Variants in SVIL observed in about 807,000 individuals in gnomAD.
SVIL encodes supervillin.
A neutral mutation model predicts 240.4 loss-of-function variants in SVIL; 101 were observed. That is an observed-to-expected ratio of 0.42 (90% confidence interval 0.36 to 0.50). The LOEUF (loss-of-function observed/expected upper bound fraction) is 0.50, where lower values mean the gene tolerates loss of function less well. Among genes scored for constraint, SVIL ranks in the 20% least tolerant of loss-of-function variants. The pLI, the probability that SVIL is intolerant of heterozygous loss-of-function variation, is 0.01. For missense variants in SVIL, 2,512 were observed against 2,818.7 expected (o/e 0.89, Z 2.46); for synonymous variants, 999 against 1,100.0 (o/e 0.91, Z 1.82).
upstream of SVIL, among the ~76,000 whole-genome samples, chr10:29,736,132 C>A (rs1165374129): frequency 6.6e-6 from 1 of 152,152 alleles, no homozygotes; most frequent in Non-Finnish European, 1.5e-5. Flanking sequence ...TGGGACGACT[C>A]TCGGGGGAAG....
chr10:29,700,987 C>A (rs902825890), intron 1 of SVIL, among the ~76,000 whole-genome samples: 1 of 152,314 alleles, frequency 6.6e-6, no homozygotes, highest in East Asian at 1.9e-4. Flanking sequence ...TTCCTCTCCA[C>A]GCTCCAGCCC....
intron 1 of SVIL, among the ~76,000 whole-genome samples, chr10:29,728,054 A>T (rs1964396485): frequency 6.6e-6 from 1 of 152,198 alleles, no homozygotes; most frequent in African/African-American, 2.4e-5. Flanking sequence ...TGGACAGAGG[A>T]TCATAAGTAG....
At chr10:29,672,936 C>T (rs2133062020) in intron 2 of SVIL, among the ~76,000 whole-genome samples, 1 of 152,224 alleles carries the variant, frequency 6.6e-6, no homozygotes, top group East Asian at 1.9e-4. Context: ...TGTTTTGAGA[C>T]AGAGTCTCAC....
At chr10:29,586,905 G>A (rs1255765585) in intron 1 of SVIL, among the ~76,000 whole-genome samples, 1 of 152,150 alleles carries the variant, frequency 6.6e-6, no homozygotes. Context: ...GTGGAGGGTG[G>A]GAGGAGGGAG....
intron 17 of SVIL, chr10:29,508,555 G>A (rs1949548158): frequency 1.7e-5 from 7 of 417,640 alleles, no homozygotes; most frequent in East Asian, 7.2e-5. Context: ...TTCCGTGACC[G>A]CAGAATGATC....
At chr10:29,564,395 C>T (rs1954786527) in intron 2 of SVIL, among the ~76,000 whole-genome samples, 1 of 152,174 alleles carries the variant, frequency 6.6e-6, no homozygotes, top group Non-Finnish European at 1.5e-5. Flanking sequence ...TCGGAGCGGG[C>T]AGGGCAGAGG....
chr10:29,685,843 C>T (rs1415093137), intron 2 of SVIL, among the ~76,000 whole-genome samples: 2 of 152,104 alleles, frequency 1.3e-5, no homozygotes, highest in Non-Finnish European at 2.9e-5. Context: ...TGTTGGGTCC[C>T]TTGGCTGAGA....
intron 2 of SVIL, among the ~76,000 whole-genome samples, chr10:29,677,021 A>G (rs937171622): frequency 3.3e-5 from 5 of 152,224 alleles, no homozygotes; most frequent in South Asian, 2.1e-4. Context: ...CTACATGTTT[A>G]ATCATTGCTA....
At chr10:29,568,801 G>A (rs532670965) in intron 2 of SVIL, among the ~76,000 whole-genome samples, 27 of 151,514 alleles carry the variant, frequency 1.8e-4, no homozygotes, top group Admixed American at 1.1e-3. Flanking sequence ...ATGGATGGAT[G>A]GATGGATGGA....
chr10:29,661,095 A>C (rs1253119476), intron 2 of SVIL, among the ~76,000 whole-genome samples: 1 of 151,044 alleles, frequency 6.6e-6, no homozygotes, highest in Non-Finnish European at 1.5e-5. Flanking sequence ...TGAACCAGGG[A>C]GTCGGAGGTT....
intron 1 of SVIL, among the ~76,000 whole-genome samples, chr10:29,734,188 A>G (rs1054182713): frequency 6.6e-6 from 1 of 152,242 alleles, no homozygotes; most frequent in East Asian, 1.9e-4. Flanking sequence ...AACTGTCATA[A>G]TTCTAAAGGT....
chr10:29,520,832 C>A (rs1275694078), intron 16 of SVIL, among the ~76,000 whole-genome samples: 1 of 149,952 alleles, frequency 6.7e-6, no homozygotes, highest in Non-Finnish European at 1.5e-5. Context: ...AGGAGGATCA[C>A]TTGTGTCCAG....
chr10:29,545,391 A>T (rs1952567759), intron 6 of SVIL, among the ~76,000 whole-genome samples: 1 of 151,818 alleles, frequency 6.6e-6, no homozygotes, highest in African/African-American at 2.4e-5. Flanking sequence ...ACCAATGGCA[A>T]CTCTCCCAGG....
chr10:29,493,801 A>C (rs1471382577), intron 20 of SVIL, among the ~76,000 whole-genome samples: 3 of 152,136 alleles, frequency 2.0e-5, no homozygotes, highest in Non-Finnish European at 4.4e-5. Context: ...TGTTGCGACA[A>C]CTCAGTTCTG....
chr10:29,697,280 G>A (rs1425709842), intron 1 of SVIL, among the ~76,000 whole-genome samples: 638 of 75,122 alleles, frequency 8.5e-3, no homozygotes, highest in African/African-American at 0.026. Flanking sequence ...GAAGTGAGGA[G>A]CCCCTCTGCC....
In SVIL at chr10:29,529,718, C is replaced by G. The variant is rs779677853; in HGVS notation, c.2233G>C (p.Val745Leu). 1 of 1,607,576 alleles carries G rather than the reference C, an allele frequency of 6.2e-7. No homozygotes were observed. Among genetic ancestry groups the G allele is most frequent in the Non-Finnish European group, 8.5e-7 (1 of 1,177,792 alleles). The stretch of plus-strand genomic sequence containing the variant: ...GTGGGCACTTACGTGGCTGCGATGA[C>G]CACCTCTTCAGTGGTGATGGGCTGG... ...LTQPITTEEV[V>L]IAATEPIPAS... Residue 745 changes from valine (V) to leucine (L), a missense_variant, in exon 12 of 38, where the codon GTC becomes CTC. Around this residue, in one of 3 missense-constraint regions of SVIL, gnomAD observed 1,443 missense variants for 1,486.6 expected, o/e 0.97. Transcript: ENST00000355867.
intron 1 of SVIL, among the ~76,000 whole-genome samples, chr10:29,626,651 G>A (rs1589416419): frequency 6.6e-6 from 1 of 152,134 alleles, no homozygotes; most frequent in Non-Finnish European, 1.5e-5. Context: ...TTAGGTTAGA[G>A]AAAAGAAAAT....
intron 1 of SVIL, among the ~76,000 whole-genome samples, chr10:29,608,491 A>C (rs1490744422): frequency 6.6e-6 from 1 of 152,236 alleles, no homozygotes; most frequent in African/African-American, 2.4e-5. Context: ...AGGCAGTTGC[A>C]GCTGCCCAGC....
At chr10:29,702,156 T>C (rs12782572) in intron 1 of SVIL, among the ~76,000 whole-genome samples, 30,751 of 118,176 alleles carry the variant, frequency 0.26, 3,899 homozygotes, top group Middle Eastern at 0.5. Flanking sequence ...GCCTGGGTAA[T>C]AGAGCGAGAC....
Sources: allele counts gnomAD v4.1 joint callset (sites outside exome capture counted in the v4.1 genomes callset), GRCh38; gene constraint gnomAD v4.1.1; regional missense constraint gnomAD v4.1.1; transcripts MANE v1.5; gene names NCBI Gene and HGNC (gene_info 2026-07-23, HGNC 2026-07-21).